The following ENAH variants were observed in gnomAD, a reference collection of about 807,000 sequenced individuals.
The protein encoded by ENAH is ENAH actin regulator.
In ENAH, 23 loss-of-function variants were observed where a neutral mutation model predicts 78.7. The observed-to-expected ratio is 0.29, with a 90% CI of 0.21 to 0.41. The LOEUF is 0.41. ENAH is among the 10% of genes least tolerant of loss of function. ENAH has a pLI of 1.00. For synonymous variants in ENAH, 226 were observed against 241.0 expected, an observed-to-expected ratio of 0.94 and a Z score of 0.58; for missense variants, 544 against 691.0, an observed-to-expected ratio of 0.79 and a Z score of 2.39.
At position 225,557,272 on chromosome 1, in the gene ENAH, C is replaced by A. The variant is rs949622782; in HGVS notation, c.172-2189G>T. 3.3e-5 allele frequency among the ~76,000 whole-genome samples: 5 copies of A among 152,178 alleles called. No homozygotes were observed. In the South Asian group the frequency reaches 1.0e-3, roughly 32 times the overall value. ...GATCTTTCATTAGATTTATTATTTT[C>A]TATTATTAATCGAGTTCTAAGTATT... On this transcript the variant is annotated intron_variant, in intron 2 of 13. Transcript: ENST00000366843.
intron 1 of ENAH, among the ~76,000 whole-genome samples, chr1:225,576,302 CAA>C (rs888350493): frequency 1.3e-4 from 19 of 142,508 alleles, no homozygotes; most frequent in African/African-American, 4.6e-4. Context: ...ACCCAAAAAA[CAA>C]AAAGAATCAG....
chr1:225,530,739 A>G, intron 3 of ENAH, 101 bp from the exon 4 acceptor site: 2 of 910,812 alleles, frequency 2.2e-6, no homozygotes, highest in South Asian at 3.1e-5. Context: ...ACATATTTAC[A>G]AACGTGTCTT....
rs2096207711 is a variant in ENAH, at chr1:225,488,174, TA to T, written c.*9600del. ...AGGACAAGGTTTTTATTTATTTATT[TA>T]TTTATTATTTATTTATTTATTTTTT... On this transcript the variant is annotated 3_prime_UTR_variant, in exon 14 of 14. Coordinates refer to ENST00000366843, the MANE Select transcript of ENAH (RefSeq NM_018212.6). The T allele has an allele frequency of 1.3e-5, 2 of 150,038 alleles. No homozygotes were observed. Among genetic ancestry groups the T allele is most frequent in the African/African-American group, 4.8e-5 (2 of 41,260 alleles). 9.3% of individuals were successfully genotyped at this position (150,038 alleles called of 1,614,324 possible).
intron 1 of ENAH, among the ~76,000 whole-genome samples, chr1:225,605,424 T>C (rs146353867): frequency 7.2e-5 from 11 of 152,288 alleles, no homozygotes; most frequent in African/African-American, 2.4e-4. Context: ...GTTCATAGAT[T>C]TGGAAGCAAG....
In ENAH at chr1:225,519,341, T is replaced by A; in HGVS notation, c.659A>T (p.Glu220Val). ...LERQERLERQ[E>V]RLDRERQERQ... The stretch of plus-strand genomic sequence containing the variant: ...TTCTTGCCTCTCCCGATCCAGGCGT[T>A]CCTGCCGCTCCAGGCGTTCCTGCCG... Residue 220 changes from glutamate (E) to valine (V), a missense_variant, in exon 5 of 14, where the codon GAA (glutamate) becomes GTA (valine). Physicochemically the swap from Glu to Val is moderately radical, Grantham distance 121 (BLOSUM62 -2). Coordinates refer to ENST00000366843, the MANE Select transcript of ENAH (RefSeq NM_018212.6). 6.8e-7 allele frequency: 1 copy of A among 1,479,858 alleles called. No individual in the cohort carries two copies. The highest frequency in any genetic ancestry group is 9.1e-7 in the Non-Finnish European group (1 of 1,093,814). 91.7% of individuals were successfully genotyped at this position (1,479,858 alleles called of 1,614,324 possible). A position where few individuals can be genotyped will look rare whatever the true frequency, so the allele number is the denominator to read the frequency against.
At chr1:225,511,731 G>A (rs893812636) in intron 10 of ENAH, 80 bp downstream of exon 10, 53 of 1,020,054 alleles carry the variant, frequency 5.2e-5, no homozygotes, top group Non-Finnish European at 7.3e-5. Context: ...CCAAATATGG[G>A]GAAAGGGGGA....
chr1:225,651,226 G>A (rs574742497), intron 1 of ENAH, among the ~76,000 whole-genome samples: 1 of 152,134 alleles, frequency 6.6e-6, no homozygotes, highest in South Asian at 2.1e-4. Context: ...AAAGGGGTCA[G>A]TCGCCTAGAG....
At chr1:225,527,656 G>A (rs2096515742) in intron 4 of ENAH, among the ~76,000 whole-genome samples, 1 of 152,190 alleles carries the variant, frequency 6.6e-6, no homozygotes, top group African/African-American at 2.4e-5. Context: ...GCCCTTACAA[G>A]GTGGACACAA....
intron 1 of ENAH, among the ~76,000 whole-genome samples, chr1:225,610,429 A>G (rs993614812): frequency 6.6e-6 from 1 of 152,206 alleles, no homozygotes; most frequent in African/African-American, 2.4e-5. Context: ...TTGTGATTTT[A>G]TAATTACTAT....
intron 9 of ENAH, 117 bp downstream of exon 9, chr1:225,512,540 C>T: frequency 1.9e-6 from 2 of 1,036,954 alleles, no homozygotes; most frequent in Non-Finnish European, 2.7e-6. Flanking sequence ...TAAAAATTAG[C>T]AAATATAAGT....
At position 225,574,455 on chromosome 1, in the gene ENAH, AGCCAGGCATGGT is replaced by A. The variant is rs763709648; in HGVS notation, c.6-7053_6-7042del. On this transcript the variant is annotated intron_variant, in intron 1 of 13. Transcript: ENST00000366843. ...ATCTCTACTAAAAATACCAAAAATT[AGCCAGGCATGGT>A]GCCTCGTGCCTGTAGTCCCAGCTAC... 7.3e-4 allele frequency among the ~76,000 whole-genome samples: 111 copies of A among 152,044 alleles called. 1 individual carries two copies. Among genetic ancestry groups the A allele is most frequent in the Non-Finnish European group, 1.3e-3 (88 of 67,994 alleles).
chr1:225,616,418 T>C (rs983205033), intron 1 of ENAH, among the ~76,000 whole-genome samples: 1 of 151,756 alleles, frequency 6.6e-6, no homozygotes, highest in African/African-American at 2.4e-5. Context: ...AATATGTCAA[T>C]ATTAAATAAT....
chr1:225,609,856 C>A (rs1011616796), intron 1 of ENAH, among the ~76,000 whole-genome samples: 1 of 151,328 alleles, frequency 6.6e-6, no homozygotes, highest in Admixed American at 6.6e-5. Context: ...GTAGAGACAG[C>A]GTTTTGCTAT....
chr1:225,517,687 G>A, intron 5 of ENAH: 2 of 1,551,172 alleles, frequency 1.3e-6, no homozygotes, highest in Non-Finnish European at 1.7e-6. Context: ...AGAAGAGGGT[G>A]TGTTCACAGG....
At chr1:225,558,045 A>G (rs957330600) in intron 2 of ENAH, among the ~76,000 whole-genome samples, 2 of 152,184 alleles carry the variant, frequency 1.3e-5, no homozygotes, top group African/African-American at 4.8e-5. Context: ...CCAACCTTAC[A>G]TTCCTAGGAT....
At chr1:225,617,744 G>C (rs1220653336) in intron 1 of ENAH, among the ~76,000 whole-genome samples, 1 of 152,016 alleles carries the variant, frequency 6.6e-6, no homozygotes, top group Non-Finnish European at 1.5e-5. Context: ...GCTTCCAAAG[G>C]TCATTAGAAT....
chr1:225,516,700 CCT>C (rs1273155530), intron 6 of ENAH, among the ~76,000 whole-genome samples: 1 of 151,860 alleles, frequency 6.6e-6, no homozygotes, highest in African/African-American at 2.4e-5. Context: ...ATGACAAAAC[CCT>C]GTCTCTACTA....
chr1:225,566,558 A>T (rs2096735970), intron 2 of ENAH, among the ~76,000 whole-genome samples: 1 of 152,142 alleles, frequency 6.6e-6, no homozygotes, highest in Admixed American at 6.5e-5. Flanking sequence ...ATCTTTGGTA[A>T]ATATTTTTTC....
At chr1:225,537,053 T>C (rs927470335) in intron 3 of ENAH, among the ~76,000 whole-genome samples, 2 of 152,110 alleles carry the variant, frequency 1.3e-5, no homozygotes, top group African/African-American at 4.8e-5. Context: ...AATGGCTACT[T>C]CTATAAAACC....
Sources: gnomAD v4.1 joint callset for allele counts (sites outside exome capture counted in the v4.1 genomes callset) on GRCh38, gnomAD v4.1.1 for gene constraint, MANE v1.5 for transcripts, NCBI Gene and HGNC (gene_info 2026-07-23, HGNC 2026-07-21) for gene names.